The following ANKS1B variants were observed in gnomAD, a reference collection of about 807,000 sequenced individuals.
ANKS1B encodes ankyrin repeat and sterile alpha motif domain containing 1B.
In ANKS1B, 36 loss-of-function variants were observed where a neutral mutation model predicts 148.3. That is an observed-to-expected ratio of 0.24 (90% CI 0.19 to 0.32). The LOEUF is 0.32. ANKS1B is among the 10% of genes least tolerant of loss of function. The probability of loss-of-function intolerance (pLI) is 1.00; values close to 1 mark genes in which losing one functional copy is unlikely to be tolerated. For synonymous variants in ANKS1B, 542 were observed against 560.8 expected, an observed-to-expected ratio of 0.97 and a Z score of 0.47; for missense variants, 1,157 against 1,542.6, an observed-to-expected ratio of 0.75 and a Z score of 4.19.
intron 1 of ANKS1B, among the ~76,000 whole-genome samples, chr12:99,891,397 TA>T: frequency 6.6e-6 from 1 of 152,276 alleles, no homozygotes; most frequent in Non-Finnish European, 1.5e-5. Flanking sequence ...GTGATTTTTT[TA>T]AAATAGAGAC....
rs763066519 is a variant in ANKS1B at position 99,154,373 on chromosome 12, T to A, written c.2442A>T (p.Thr814=). Residue 814 remains threonine (T), a synonymous_variant, in exon 15 of 27, where the codon ACA becomes ACT. Coordinates refer to ENST00000683438, the MANE Select transcript of ANKS1B (RefSeq NM_001352186.2). ...CAATGCTTTCCAACCATTGTCCCAC[T>A]GTTTGGACAGGGCATCTGGGTCCTG... ...ETTRPRCPVQ[T]VGQWLESIGL... The A allele has an allele frequency of 3.1e-6, 5 of 1,613,754 alleles. No individual in the cohort carries two copies. In the Admixed American group the frequency reaches 8.3e-5, roughly 27 times the overall value.
chr12:98,903,368 A>C (rs1467167325), intron 17 of ANKS1B, among the ~76,000 whole-genome samples: 2 of 152,116 alleles, frequency 1.3e-5, no homozygotes, highest in African/African-American at 4.8e-5. Flanking sequence ...GCCAAGCAGA[A>C]GATTCCATCA....
intron 9 of ANKS1B, among the ~76,000 whole-genome samples, chr12:99,654,095 G>A (rs2098438681): frequency 6.6e-6 from 1 of 152,166 alleles, no homozygotes; most frequent in South Asian, 2.1e-4. Context: ...ACAGTAAACT[G>A]TCTTAAAGTC....
At chr12:99,025,069 C>T (rs1018296930) in intron 17 of ANKS1B, among the ~76,000 whole-genome samples, 3 of 152,076 alleles carry the variant, frequency 2.0e-5, no homozygotes, top group African/African-American at 7.2e-5. Flanking sequence ...GCATGTGGTA[C>T]CCCCCTCTCT....
chr12:99,744,639 CT>C (rs1317423266), intron 8 of ANKS1B, among the ~76,000 whole-genome samples: 2 of 152,246 alleles, frequency 1.3e-5, no homozygotes, highest in South Asian at 2.1e-4. Context: ...AATGTTCTAT[CT>C]TTGAAGGATT....
chr12:99,854,972 T>C (rs2088725981), intron 1 of ANKS1B, among the ~76,000 whole-genome samples: 1 of 151,362 alleles, frequency 6.6e-6, no homozygotes, highest in Non-Finnish European at 1.5e-5. Context: ...ACAGAACCTA[T>C]AAAACAATAA....
chr12:99,589,191 C>T (rs948953500), intron 9 of ANKS1B, among the ~76,000 whole-genome samples: 12 of 152,148 alleles, frequency 7.9e-5, no homozygotes, highest in Non-Finnish European at 1.2e-4. Context: ...ATATGGATTT[C>T]CAAGGCCTTT....
intron 8 of ANKS1B, among the ~76,000 whole-genome samples, chr12:99,726,620 C>G (rs1236912898): frequency 2.0e-5 from 3 of 152,130 alleles, no homozygotes; most frequent in Non-Finnish European, 2.9e-5. Context: ...AGCAGGTACT[C>G]TTCCCTAACT....
At chr12:99,207,484 T>C (rs976394914) in intron 14 of ANKS1B, among the ~76,000 whole-genome samples, 3 of 152,154 alleles carry the variant, frequency 2.0e-5, no homozygotes, top group Admixed American at 6.5e-5. Flanking sequence ...TTTTATATCA[T>C]ATAGAAGAGC....
chr12:98,990,252 A>T (rs916532300), intron 17 of ANKS1B, among the ~76,000 whole-genome samples: 1 of 151,954 alleles, frequency 6.6e-6, no homozygotes. Flanking sequence ...TTATTTCTAA[A>T]TATTTTTTGT....
intron 9 of ANKS1B, chr12:99,649,202 A>G: frequency 1.9e-6 from 2 of 1,032,138 alleles, no homozygotes; most frequent in Admixed American, 3.6e-5. Context: ...GTACTTGTGC[A>G]ATAATTTCTT....
intron 8 of ANKS1B, among the ~76,000 whole-genome samples, chr12:99,668,537 T>C (rs2098520823): frequency 6.6e-6 from 1 of 152,118 alleles, no homozygotes; most frequent in African/African-American, 2.4e-5. Context: ...CAAAGTTTAA[T>C]ATTCTTGGTT....
rs574944152 is a variant in ANKS1B, at chr12:99,700,469, G to A, written c.1129-45259C>T. 9.9e-5 allele frequency among the ~76,000 whole-genome samples: 15 copies of A among 152,222 alleles called. No homozygotes were observed. In the East Asian group the frequency reaches 2.9e-3, roughly 29 times the overall value. ...TGACTAAGGATTTATTACACACTGT[G>A]GCTGTACCTTTTGCAGTTTGAGGTG... is the stretch of plus-strand genomic sequence containing the variant. On this transcript the variant is annotated intron_variant, in intron 8 of 26. Coordinates refer to ENST00000683438, the MANE Select transcript of ANKS1B (RefSeq NM_001352186.2).
intron 9 of ANKS1B, among the ~76,000 whole-genome samples, chr12:99,576,728 T>C (rs1340165800): frequency 2.0e-4 from 30 of 152,106 alleles, no homozygotes. Context: ...GAGACACAGC[T>C]AAAGTAGTTT....
chr12:99,772,807 C>T lies in ANKS1B; in HGVS notation c.1128+115G>A, dbSNP rs1401924291. The T allele has an allele frequency of 2.7e-6, 3 of 1,106,440 alleles. No individual in the cohort carries two copies. In the African/African-American group the frequency reaches 4.8e-5, roughly 18 times the overall value. 68.5% of individuals were successfully genotyped at this position (1,106,440 alleles called of 1,614,324 possible). On this transcript the variant is annotated intron_variant, in intron 8 of 26. Transcript: ENST00000683438. ...CGTCAGGAAAAGAGCAATAAGGAAA[C>T]TGACATCTTAGAGTGGCGGAATCTG...
intron 9 of ANKS1B, among the ~76,000 whole-genome samples, chr12:99,549,495 T>C (rs2097199378): frequency 6.6e-6 from 1 of 152,194 alleles, no homozygotes; most frequent in African/African-American, 2.4e-5. Flanking sequence ...TTCATTCTCT[T>C]TCTTCCTTCT....
At chr12:98,944,985 T>C (rs2099842853) in intron 17 of ANKS1B, among the ~76,000 whole-genome samples, 1 of 152,238 alleles carries the variant, frequency 6.6e-6, no homozygotes, top group Non-Finnish European at 1.5e-5. Context: ...TTTATCTTTC[T>C]AATTTGATTA....
chr12:99,257,071 G>C (rs1018529971), intron 12 of ANKS1B, among the ~76,000 whole-genome samples: 1 of 151,872 alleles, frequency 6.6e-6, no homozygotes, highest in Non-Finnish European at 1.5e-5. Context: ...TGTGAAACCC[G>C]GTCTCTACTA....
At chr12:99,563,832 T>G (rs1375723950) in intron 9 of ANKS1B, among the ~76,000 whole-genome samples, 1 of 152,166 alleles carries the variant, frequency 6.6e-6, no homozygotes, top group Non-Finnish European at 1.5e-5. Context: ...CCACCCACTT[T>G]AAAACATTTT....
Sources: allele counts gnomAD v4.1 joint callset (sites outside exome capture counted in the v4.1 genomes callset), GRCh38; gene constraint gnomAD v4.1.1; transcripts MANE v1.5; gene names NCBI Gene and HGNC (gene_info 2026-07-23, HGNC 2026-07-21).